EPHB1: variants seen among roughly 807,000 people sequenced by gnomAD.
EPHB1 encodes EPH receptor B1.
Under a neutral mutation model 94.4 loss-of-function variants are expected in EPHB1, and 30 were observed. The observed-to-expected ratio is 0.32, with a 90% CI of 0.24 to 0.43. The LOEUF is 0.43. Ranked by LOEUF, EPHB1 falls within the 20% of genes least tolerant of loss-of-function variation. The pLI is 1.00. For synonymous variants in EPHB1, 522 were observed against 489.1 expected, an observed-to-expected ratio of 1.07 and a Z score of -0.89; for missense variants, 1,055 against 1,308.3, an observed-to-expected ratio of 0.81 and a Z score of 2.99.
chr3:134,819,444 G>C (rs1239155170), intron 1 of EPHB1, among the ~76,000 whole-genome samples: 2 of 152,190 alleles, frequency 1.3e-5, no homozygotes, highest in African/African-American at 4.8e-5. Context: ...CAGTCTGTAG[G>C]TGTAAGCCTT....
chr3:134,966,275 T>C (rs6439539), intron 3 of EPHB1, among the ~76,000 whole-genome samples: 74,142 of 152,064 alleles, frequency 0.49, 18,796 homozygotes, highest in African/African-American at 0.6. Flanking sequence ...GCAAATCAGC[T>C]GGCTTTTAAG....
chr3:135,074,467 C>G (rs1470883620), intron 3 of EPHB1, among the ~76,000 whole-genome samples: 2 of 152,198 alleles, frequency 1.3e-5, no homozygotes, highest in Non-Finnish European at 2.9e-5. Context: ...GTTAATTCTA[C>G]TGCTTGATAT....
chr3:134,962,771 G>T (rs1331646852), intron 3 of EPHB1, among the ~76,000 whole-genome samples: 1 of 151,726 alleles, frequency 6.6e-6, no homozygotes, highest in African/African-American at 2.4e-5. Flanking sequence ...CGCCTTCCTA[G>T]ATCGCCAGCC....
intron 3 of EPHB1, among the ~76,000 whole-genome samples, chr3:134,997,237 A>G (rs1346871495): frequency 6.6e-6 from 1 of 152,126 alleles, no homozygotes; most frequent in East Asian, 1.9e-4. Context: ...ATCACTTCTC[A>G]GGTCTGCTGT....
chr3:134,936,699 T>C, intron 2 of EPHB1, among the ~76,000 whole-genome samples: 1 of 152,248 alleles, frequency 6.6e-6, no homozygotes, highest in South Asian at 2.1e-4. Flanking sequence ...GAGACAGGCA[T>C]GTCCAATACA....
chr3:134,811,242 G>GGTT (rs2036168294), intron 1 of EPHB1, among the ~76,000 whole-genome samples: 3 of 73,892 alleles, frequency 4.1e-5, no homozygotes, highest in African/African-American at 1.3e-4. Context: ...TACTAAGAAG[G>GGTT]TTTTTTTTTT....
At chr3:134,985,801 C>T (rs758613091) in intron 3 of EPHB1, among the ~76,000 whole-genome samples, 2 of 152,108 alleles carry the variant, frequency 1.3e-5, no homozygotes, top group Admixed American at 6.5e-5. Flanking sequence ...CATCTGCCTC[C>T]ACCTAGATTG....
chr3:135,026,310 A>T (rs1936166685), intron 3 of EPHB1, among the ~76,000 whole-genome samples: 1 of 129,060 alleles, frequency 7.7e-6, no homozygotes, highest in Middle Eastern at 4.0e-3. Context: ...CTGAATGGTA[A>T]TGCCTAGGTT....
intron 1 of EPHB1, among the ~76,000 whole-genome samples, chr3:134,807,973 C>T (rs2036100684): frequency 6.6e-6 from 1 of 152,198 alleles, no homozygotes; most frequent in Non-Finnish European, 1.5e-5. Flanking sequence ...TCCTCTTAAA[C>T]ATCATCTGCC....
At chr3:134,876,500 C>A (rs1246342689) in intron 1 of EPHB1, among the ~76,000 whole-genome samples, 2 of 152,240 alleles carry the variant, frequency 1.3e-5, no homozygotes, top group East Asian at 1.9e-4. Flanking sequence ...ACTCTCCCCT[C>A]CCTTGGCTCT....
chr3:134,960,674 A>T (rs898623413), intron 3 of EPHB1, among the ~76,000 whole-genome samples: 21 of 152,172 alleles, frequency 1.4e-4, no homozygotes, highest in African/African-American at 5.1e-4. Context: ...GGAAGAAATG[A>T]GCTTAGCTAC....
At chr3:134,934,660 A>G (rs941126279) in intron 2 of EPHB1, among the ~76,000 whole-genome samples, 1 of 148,362 alleles carries the variant, frequency 6.7e-6, no homozygotes, top group African/African-American at 2.5e-5. Context: ...TTGCAGAAAT[A>G]TATTGGATAT....
intron 12 of EPHB1, among the ~76,000 whole-genome samples, chr3:135,235,267 T>C (rs1214800415): frequency 6.6e-6 from 1 of 152,222 alleles, no homozygotes; most frequent in East Asian, 1.9e-4. Flanking sequence ...TCAGAGTTTG[T>C]ATTTAAGACA....
intron 3 of EPHB1, among the ~76,000 whole-genome samples, chr3:135,100,072 G>GA (rs1319812678): frequency 1.3e-5 from 2 of 152,028 alleles, no homozygotes; most frequent in Non-Finnish European, 1.5e-5. Flanking sequence ...CTCATTTGGG[G>GA]AAAAAAATAG....
Position 135,004,646 on chromosome 3 carries a change from C to T in EPHB1, c.805+52594C>T, listed in dbSNP as rs1181155388. On this transcript the variant is annotated intron_variant, in intron 3 of 15. Coordinates refer to ENST00000398015, the MANE Select transcript of EPHB1 (RefSeq NM_004441.5). ...CACATAGTCCCATATTTCTTGGAGG[C>T]TTTGCTCGTTTCTTTTTATTCTTTT... Among the ~76,000 whole-genome samples the T allele has an allele frequency of 4.0e-5, 6 of 151,828 alleles. No individual in the cohort carries two copies. In the South Asian group the frequency reaches 1.3e-3, roughly 32 times the overall value.
At chr3:135,158,247 T>C (rs1396224723) in intron 6 of EPHB1, among the ~76,000 whole-genome samples, 1 of 152,152 alleles carries the variant, frequency 6.6e-6, no homozygotes, top group East Asian at 1.9e-4. Flanking sequence ...GCAAACCCCA[T>C]TATTTCTTCA....
rs57138827 is a variant in EPHB1 at position 135,186,091 on chromosome 3, T to C, written c.1882+6109T>C. ...CTTATGAAAATAAGCTAATTACATATAAAATGTAGATGTATGTATGTGTGT... is the reference window on the plus strand; with the variant it reads ...CTTATGAAAATAAGCTAATTACATACAAAATGTAGATGTATGTATGTGTGT... On this transcript the variant is annotated intron_variant, in intron 10 of 15. Coordinates refer to ENST00000398015, the MANE Select transcript of EPHB1 (RefSeq NM_004441.5). 8.5e-3 allele frequency among the ~76,000 whole-genome samples: 1,288 copies of C among 152,296 alleles called. 20 individuals carry two copies. The highest frequency in any genetic ancestry group is 0.029 in the African/African-American group (1,207 of 41,580).
chr3:134,821,018 T>C (rs1473101322), intron 1 of EPHB1, among the ~76,000 whole-genome samples: 4 of 152,144 alleles, frequency 2.6e-5, no homozygotes, highest in Non-Finnish European at 5.9e-5. Context: ...CCAGTCCACA[T>C]CAGAGGGCCT....
rs146878878 is a variant in EPHB1 at position 135,194,907 on chromosome 3, G to C, written c.2130+2084G>C. Among the ~76,000 whole-genome samples the C allele has an allele frequency of 4.6e-5, 7 of 152,226 alleles. No homozygotes were observed. In the East Asian group the frequency reaches 1.4e-3, roughly 29 times the overall value. Reference sequence around the variant, plus strand: ...AAACAAAAATGCTAGGGAGTGGCACGAGAGCTCTAGTCATCCTGTGTGTAC... The same window carrying C: ...AAACAAAAATGCTAGGGAGTGGCACCAGAGCTCTAGTCATCCTGTGTGTAC... On this transcript the variant is annotated intron_variant, in intron 11 of 15. Transcript: ENST00000398015.
Sources: gnomAD v4.1 joint callset for allele counts (sites outside exome capture counted in the v4.1 genomes callset) on GRCh38, gnomAD v4.1.1 for gene constraint, MANE v1.5 for transcripts, NCBI Gene and HGNC (gene_info 2026-07-23, HGNC 2026-07-21) for gene names.